Variants in MLF1 observed in about 807,000 individuals in gnomAD.
MLF1 encodes the protein myeloid leukemia factor 1, also known as myelodysplasia-myeloid leukemia factor 1.
Under a neutral mutation model 38.3 loss-of-function variants are expected in MLF1, and 37 were observed. The ratio of observed to expected loss-of-function variants is 0.96; its 90% confidence interval spans 0.74 to 1.27. The LOEUF (loss-of-function observed/expected upper bound fraction) is 1.27, where lower values mean the gene tolerates loss of function less well. MLF1 is among the 50% of genes most tolerant of loss of function. MLF1 has a pLI of 0.00. For missense variants in MLF1, 331 were observed against 349.2 expected (o/e 0.95, Z 0.42); for synonymous variants, 95 against 106.5 (o/e 0.89, Z 0.66).
intron 1 of MLF1, among the ~76,000 whole-genome samples, chr3:158,571,980 A>G (rs1050696584): frequency 5.0e-4 from 1 of 1,988 alleles, no homozygotes; most frequent in Admixed American, 7.7e-3. Context: ...GGGTGGGAGG[A>G]GGAGGGTTTG....
At chr3:158,586,073 A>G (rs184625533) in intron 1 of MLF1, among the ~76,000 whole-genome samples, 2 of 152,052 alleles carry the variant, frequency 1.3e-5, no homozygotes, top group East Asian at 3.9e-4. Context: ...CTGAGGCAGG[A>G]GAATTGCTTG....
chr3:158,602,471 A>G (rs1443044724), intron 6 of MLF1, among the ~76,000 whole-genome samples: 1 of 152,182 alleles, frequency 6.6e-6, no homozygotes, highest in Non-Finnish European at 1.5e-5. Flanking sequence ...TATACACTAT[A>G]CAGGAAGAGT....
At chr3:158,590,008 C>T (rs1717888835) in intron 1 of MLF1, among the ~76,000 whole-genome samples, 1 of 152,142 alleles carries the variant, frequency 6.6e-6, no homozygotes, top group South Asian at 2.1e-4. Flanking sequence ...ATCTCAAAAT[C>T]CTTATACACA....
intron 1 of MLF1, among the ~76,000 whole-genome samples, chr3:158,578,653 G>T (rs1293537808): frequency 6.6e-6 from 1 of 152,000 alleles, no homozygotes; most frequent in African/African-American, 2.4e-5. Context: ...TATGCTGAAG[G>T]TAAATAATAT....
Position 158,598,212 on chromosome 3 carries a change from A to C in MLF1, c.453+4A>C. On this transcript the variant is annotated splice_donor_region_variant and intron_variant, in intron 5 of 7. Coordinates refer to ENST00000466246, the MANE Select transcript of MLF1 (RefSeq NM_001369783.1). ...AACTCGTCGAGCTCCAGGAGGAGTA[A>C]GTTTTCTATAAGCATTCCTAAAGTT... The C allele has an allele frequency of 2.5e-6, 4 of 1,608,988 alleles. No individual in the cohort carries two copies. The Admixed American group carries it at 6.8e-5, about 27-fold the overall frequency.
Position 158,591,844 on chromosome 3 carries a change from ATG to A in MLF1, c.48-588_48-587del, listed in dbSNP as rs201225471. On this transcript the variant is annotated intron_variant, in intron 1 of 7. Transcript: ENST00000466246. ...TTTATGCAATATGGGATAAATAAAG[ATG>A]TTTTTTTTATTATGCATTAAATGAA... Among the ~76,000 whole-genome samples, 5 of 128,346 alleles carry A rather than the reference ATG, an allele frequency of 3.9e-5. No individual in the cohort carries two copies. The East Asian group carries it at 1.1e-3, about 27-fold the overall frequency. 84.2% of individuals were successfully genotyped at this position (128,346 alleles called of 152,430 possible). A position where few individuals can be genotyped will look rare whatever the true frequency, so the allele number is the denominator to read the frequency against.
chr3:158,593,528 T>A (rs1276963560), intron 3 of MLF1, 102 bp downstream of exon 3: 17 of 876,700 alleles, frequency 1.9e-5, no homozygotes, highest in Non-Finnish European at 2.9e-5. Context: ...CTCACTTCCA[T>A]AATGGCTTTT....
At chr3:158,579,922 C>G (rs1716069510) in intron 1 of MLF1, among the ~76,000 whole-genome samples, 1 of 152,144 alleles carries the variant, frequency 6.6e-6, no homozygotes, top group African/African-American at 2.4e-5. Flanking sequence ...AAAGGACCTC[C>G]TTTTGAAATG....
chr3:158,591,931 CAACTT>C (rs754070352), intron 1 of MLF1, among the ~76,000 whole-genome samples: 77 of 152,208 alleles, frequency 5.1e-4, no homozygotes, highest in African/African-American at 1.4e-3. Flanking sequence ...AGATGCTTCT[CAACTT>C]AACGATAAGA....
intron 1 of MLF1, chr3:158,590,760 CT>C (rs1349748006): frequency 4.4e-6 from 2 of 456,018 alleles, no homozygotes; most frequent in South Asian, 1.6e-5. Context: ...GACGAGGAAG[CT>C]TTTTGGAATG....
chr3:158,598,602 G>A (rs890082086), intron 5 of MLF1, among the ~76,000 whole-genome samples: 8 of 152,140 alleles, frequency 5.3e-5, no homozygotes, highest in Non-Finnish European at 8.8e-5. Flanking sequence ...CAAGTGTACA[G>A]AAAGGATATA....
chr3:158,594,594 G>C (rs990789765), intron 3 of MLF1, among the ~76,000 whole-genome samples: 2 of 152,136 alleles, frequency 1.3e-5, no homozygotes, highest in Non-Finnish European at 2.9e-5. Flanking sequence ...AAGCCAGAAG[G>C]CTGTTGAAGC....
intron 3 of MLF1, among the ~76,000 whole-genome samples, chr3:158,593,962 C>T (rs1185595008): frequency 1.3e-5 from 2 of 152,146 alleles, no homozygotes; most frequent in Non-Finnish European, 2.9e-5. Flanking sequence ...TAGCTTCCAA[C>T]ACACTAAAAG....
intron 1 of MLF1, chr3:158,590,725 A>G (rs1334748652): frequency 2.2e-6 from 1 of 450,970 alleles, no homozygotes; most frequent in East Asian, 7.0e-5. Flanking sequence ...AACTAGGGCT[A>G]GGAGCAGGTA....
chr3:158,588,806 G>A (rs1243409976), intron 1 of MLF1: 2 of 450,730 alleles, frequency 4.4e-6, no homozygotes, highest in Non-Finnish European at 8.9e-6. Flanking sequence ...TAAGACATAA[G>A]CTTCTATGGC....
chr3:158,571,450 C>T (rs1714265491), intron 1 of MLF1, 103 bp downstream of exon 1: 8 of 1,421,768 alleles, frequency 5.6e-6, no homozygotes, highest in South Asian at 4.8e-5. Flanking sequence ...AGAGAGAATT[C>T]GGAGTAACTC....
At chr3:158,593,760 G>T (rs556782574) in intron 3 of MLF1, among the ~76,000 whole-genome samples, 2 of 152,296 alleles carry the variant, frequency 1.3e-5, no homozygotes, top group South Asian at 4.1e-4. Context: ...TTTCCAAAAG[G>T]TTTTTTAAAA....
chr3:158,581,669 C>T (rs1173497914), intron 1 of MLF1, among the ~76,000 whole-genome samples: 9 of 152,112 alleles, frequency 5.9e-5, no homozygotes, highest in Admixed American at 5.2e-4. Context: ...CAAAATATTA[C>T]GAGGCATACT....
chr3:158,602,219 G>A (rs1338732212), intron 6 of MLF1, among the ~76,000 whole-genome samples: 2 of 152,090 alleles, frequency 1.3e-5, no homozygotes, highest in Admixed American at 1.3e-4. Flanking sequence ...TATATATACT[G>A]AGTATTTCAC....
Sources: gnomAD v4.1 joint callset for allele counts (sites outside exome capture counted in the v4.1 genomes callset) on GRCh38, gnomAD v4.1.1 for gene constraint, MANE v1.5 for transcripts, NCBI Gene and HGNC (gene_info 2026-07-23, HGNC 2026-07-21) for gene names.